VAV3: variants seen among roughly 807,000 people sequenced by gnomAD.
VAV3 encodes guanine nucleotide exchange factor VAV3.
VAV3 carries 94 observed loss-of-function variants against 131.2 expected under a neutral mutation model. The observed-to-expected ratio is 0.72, with a 90% confidence interval of 0.61 to 0.85. The LOEUF (loss-of-function observed/expected upper bound fraction) is 0.85. VAV3 is among the 40% of genes least tolerant of loss of function. The pLI, the probability that VAV3 is intolerant of heterozygous loss-of-function variation, is 0.00. For synonymous variants in VAV3, 349 were observed against 342.0 expected, an observed-to-expected ratio of 1.02 and a Z score of -0.22; for missense variants, 939 against 1,002.7, an observed-to-expected ratio of 0.94 and a Z score of 0.86.
intron 17 of VAV3, among the ~76,000 whole-genome samples, chr1:107,694,813 A>C (rs1659649261): frequency 6.6e-6 from 1 of 152,148 alleles, no homozygotes; most frequent in Non-Finnish European, 1.5e-5. Context: ...TTGAGGTCAA[A>C]ACACCAATTA....
At chr1:107,837,013 C>CA (rs1246072230) in intron 2 of VAV3, among the ~76,000 whole-genome samples, 5 of 151,530 alleles carry the variant, frequency 3.3e-5, no homozygotes, top group African/African-American at 4.8e-5. Flanking sequence ...AAGCTGTTCC[C>CA]AAAAAATCAA....
intron 24 of VAV3, among the ~76,000 whole-genome samples, chr1:107,597,901 T>A (rs1651518589): frequency 6.6e-6 from 1 of 152,232 alleles, no homozygotes. Context: ...CTTATAACTT[T>A]CACTCAAGAA....
intron 2 of VAV3, among the ~76,000 whole-genome samples, chr1:107,803,657 C>T (rs916240480): frequency 7.2e-5 from 11 of 151,956 alleles, no homozygotes; most frequent in Non-Finnish European, 1.3e-4. Flanking sequence ...GACTTGTTTC[C>T]TGGCCTAAGA....
At chr1:107,751,555 G>A (rs1663727870) in intron 12 of VAV3, among the ~76,000 whole-genome samples, 1 of 152,274 alleles carries the variant, frequency 6.6e-6, no homozygotes, top group East Asian at 1.9e-4. Context: ...CATAACAGGT[G>A]TACGGCAAAA....
chr1:107,646,753 CA>C (rs1655767470), intron 19 of VAV3, among the ~76,000 whole-genome samples: 1 of 151,960 alleles, frequency 6.6e-6, no homozygotes, highest in East Asian at 1.9e-4. Flanking sequence ...GAGGAATTAA[CA>C]AACAAATTAG....
intron 1 of VAV3, among the ~76,000 whole-genome samples, chr1:107,875,374 T>C (rs1670444288): frequency 6.6e-6 from 1 of 151,996 alleles, no homozygotes; most frequent in Non-Finnish European, 1.5e-5. Flanking sequence ...TTGGTGGGGC[T>C]GGGTGGGGGA....
chr1:107,694,189 G>A (rs374073483), intron 17 of VAV3, among the ~76,000 whole-genome samples: 1 of 152,324 alleles, frequency 6.6e-6, no homozygotes, highest in East Asian at 1.9e-4. Context: ...AATAATTAGA[G>A]AACAATTTAA....
intron 19 of VAV3, among the ~76,000 whole-genome samples, chr1:107,653,323 T>A (rs1476114390): frequency 6.6e-6 from 1 of 151,742 alleles, no homozygotes; most frequent in African/African-American, 2.4e-5. Context: ...AATTGAACAA[T>A]CTCTCTACCC....
At chr1:107,648,381 C>T (rs149446705) in intron 19 of VAV3, among the ~76,000 whole-genome samples, 1 of 151,974 alleles carries the variant, frequency 6.6e-6, no homozygotes, top group African/African-American at 2.4e-5. Context: ...TGTTTATAGG[C>T]TACCAAATAT....
intron 10 of VAV3, among the ~76,000 whole-genome samples, chr1:107,758,676 A>G (rs1443455643): frequency 2.0e-5 from 3 of 152,098 alleles, no homozygotes; most frequent in Non-Finnish European, 2.9e-5. Flanking sequence ...GTAGGTTTCT[A>G]TAATATAAAT....
intron 19 of VAV3, among the ~76,000 whole-genome samples, chr1:107,666,565 T>C (rs1186350388): frequency 6.8e-6 from 1 of 146,396 alleles, no homozygotes; most frequent in Non-Finnish European, 1.5e-5. Flanking sequence ...GGCAAGATCA[T>C]TTGAGACTTT....
At chr1:107,689,540 C>T (rs529933393) in intron 17 of VAV3, among the ~76,000 whole-genome samples, 9 of 149,250 alleles carry the variant, frequency 6.0e-5, no homozygotes, top group Non-Finnish European at 8.9e-5. Context: ...CTTTTTTTAA[C>T]GAATACTTCT....
intron 21 of VAV3, among the ~76,000 whole-genome samples, chr1:107,616,980 C>T (rs573148819): frequency 1.1e-3 from 174 of 152,264 alleles, no homozygotes; most frequent in African/African-American, 4.2e-3. Flanking sequence ...AGTATCATAA[C>T]ACACCAGGGA....
intron 18 of VAV3, among the ~76,000 whole-genome samples, chr1:107,686,455 C>T (rs1393100851): frequency 6.6e-6 from 1 of 152,182 alleles, no homozygotes; most frequent in Non-Finnish European, 1.5e-5. Context: ...AAGTGTTTCA[C>T]TATTTACTTA....
At chr1:107,655,861 A>G (rs1158000951) in intron 19 of VAV3, among the ~76,000 whole-genome samples, 1 of 152,132 alleles carries the variant, frequency 6.6e-6, no homozygotes, top group Admixed American at 6.6e-5. Flanking sequence ...CTCAATATCA[A>G]TAACCATCAG....
chr1:107,955,472 C>A (rs111732589), intron 1 of VAV3, among the ~76,000 whole-genome samples: 343 of 152,054 alleles, frequency 2.3e-3, no homozygotes, highest in East Asian at 8.9e-3. Context: ...TAGCCTATGG[C>A]ATCCTCAATC....
chr1:107,820,672 T>G lies in VAV3; in HGVS notation c.322-41180A>C, dbSNP rs184662557. 2.0e-5 allele frequency: 3 copies of G among 152,296 alleles called. No individual in the cohort carries two copies. In the East Asian group the frequency reaches 5.8e-4, roughly 29 times the overall value. The allele number at this position is 152,296 out of a possible 1,614,324, so 9.4% of individuals were successfully genotyped here. A position where few individuals can be genotyped will look rare whatever the true frequency, so the allele number is the denominator to read the frequency against. The stretch of plus-strand genomic sequence containing the variant: ...TATTTGAGTCGACAGATGCCCCATT[T>G]ACCCTGATGTAATTATTAAGCCTTA... On this transcript the variant is annotated intron_variant, in intron 2 of 26. Transcript: ENST00000370056.
At chr1:107,960,950 A>T (rs139348525) in intron 1 of VAV3, among the ~76,000 whole-genome samples, 1,546 of 151,268 alleles carry the variant, frequency 0.01, 10 homozygotes, top group Middle Eastern at 0.035. Context: ...TGTATGTAAA[A>T]ATATAAATAT....
At chr1:107,953,172 C>G (rs531331637) in intron 1 of VAV3, among the ~76,000 whole-genome samples, 157 of 152,314 alleles carry the variant, frequency 1.0e-3, no homozygotes, top group Middle Eastern at 3.4e-3. Context: ...GTCTTCACCA[C>G]TTCCTGTCTG....
Sources: allele counts gnomAD v4.1 joint callset (sites outside exome capture counted in the v4.1 genomes callset), GRCh38; gene constraint gnomAD v4.1.1; transcripts MANE v1.5; gene names NCBI Gene and HGNC (gene_info 2026-07-23, HGNC 2026-07-21).